TAB2: variants seen among roughly 807,000 people sequenced by gnomAD.
The protein encoded by TAB2 is TGF-beta-activated kinase 1 and MAP3K7-binding protein 2.
A neutral mutation model predicts 65.0 loss-of-function variants in TAB2; 3 were observed. That is an observed-to-expected ratio of 0.05 (90% CI 0.02 to 0.12). TAB2 has a LOEUF of 0.12. Among genes scored for constraint, TAB2 ranks in the 10% least tolerant of loss-of-function variants. The probability of loss-of-function intolerance (pLI) is 1.00; values close to 1 mark genes in which losing one functional copy is unlikely to be tolerated. For missense variants in TAB2, 623 were observed against 840.3 expected, an observed-to-expected ratio of 0.74 and a Z score of 3.20; for synonymous variants, 298 against 285.1, an observed-to-expected ratio of 1.05 and a Z score of -0.46.
Position 149,369,862 on chromosome 6 carries a change from C to T in TAB2, c.-89-47C>T, listed in dbSNP as rs145669610. ...GAAATTTTAAATCCACAACAATATTCCTTCTATAATCAGTTCTCATTAAAA... is the reference window on the plus strand; with the variant it reads ...GAAATTTTAAATCCACAACAATATTTCTTCTATAATCAGTTCTCATTAAAA... On this transcript the variant is annotated intron_variant, in intron 1 of 6. Transcript: ENST00000637181. 1.1e-3 allele frequency: 738 copies of T among 700,892 alleles called. 10 individuals are homozygous for T. The Admixed American group carries it at 0.015, about 15-fold the overall frequency. The allele number at this position is 700,892 out of a possible 1,614,324, so 43.4% of individuals were successfully genotyped here.
chr6:149,409,751 C>T lies in TAB2; in HGVS notation c.*32C>T. 1 of 1,613,542 alleles carries T rather than the reference C, an allele frequency of 6.2e-7. No homozygotes were observed. The highest frequency in any genetic ancestry group is 2.2e-5 in the East Asian group (1 of 44,880). ...TGGCCCTGTATCTTCTCTAAAACCA[C>T]ATCTAAAGTTCAAGAAACTAGTCTG... On this transcript the variant is annotated 3_prime_UTR_variant, in exon 7 of 7. Transcript: ENST00000637181.
chr6:149,365,802 G>A (rs991697397), intron 1 of TAB2, among the ~76,000 whole-genome samples: 6 of 150,852 alleles, frequency 4.0e-5, no homozygotes, highest in South Asian at 2.1e-4. Flanking sequence ...CCTCCCCCTC[G>A]CCCACAGTCA....
chr6:149,332,272 A>C (rs1275286355), intron 1 of TAB2, among the ~76,000 whole-genome samples: 3 of 152,166 alleles, frequency 2.0e-5, no homozygotes, highest in Admixed American at 6.6e-5. Flanking sequence ...TTCAGACTAG[A>C]AATATGAATT....
chr6:149,237,587 A>G (rs1777518186), intron 1 of TAB2, among the ~76,000 whole-genome samples: 1 of 152,138 alleles, frequency 6.6e-6, no homozygotes, highest in Admixed American at 6.5e-5. Flanking sequence ...AAAACCTTCA[A>G]TGGCTTCCTA....
At chr6:149,369,888 T>A (rs1023230062) in intron 1 of TAB2, 21 bp from the exon 2 acceptor site, 3 of 901,648 alleles carry the variant, frequency 3.3e-6, no homozygotes, top group Non-Finnish European at 5.4e-6. Flanking sequence ...CTCATTAAAA[T>A]TTTTTTTCTT....
chr6:149,250,187 G>A (rs1204465412), intron 1 of TAB2, among the ~76,000 whole-genome samples: 1 of 152,038 alleles, frequency 6.6e-6, no homozygotes, highest in Non-Finnish European at 1.5e-5. Context: ...CACAGAATAG[G>A]CCCTCAGCAA....
chr6:149,405,164 TACTC>T (rs1428822996), intron 6 of TAB2, among the ~76,000 whole-genome samples: 2 of 152,176 alleles, frequency 1.3e-5, no homozygotes, highest in African/African-American at 4.8e-5. Context: ...TATTGAAAGG[TACTC>T]ACCCTCACTA....
chr6:149,302,186 T>A (rs1039728468), intron 1 of TAB2, among the ~76,000 whole-genome samples: 20 of 152,208 alleles, frequency 1.3e-4, no homozygotes, highest in Admixed American at 1.3e-3. Context: ...TGAACATATA[T>A]ATGTATTTAT....
chr6:149,228,990 G>C (rs538796925), intron 1 of TAB2, among the ~76,000 whole-genome samples: 67 of 152,328 alleles, frequency 4.4e-4, no homozygotes, highest in African/African-American at 1.4e-3. Flanking sequence ...AACTCTTCTT[G>C]TTTGAGAAAT....
chr6:149,358,595 A>G (rs1417781266), intron 1 of TAB2, among the ~76,000 whole-genome samples: 1 of 121,214 alleles, frequency 8.2e-6, no homozygotes, highest in African/African-American at 2.8e-5. Flanking sequence ...GTTTCACTAC[A>G]ATACATCTAG....
At chr6:149,390,449 G>A (rs959435428) in intron 3 of TAB2, among the ~76,000 whole-genome samples, 5 of 151,940 alleles carry the variant, frequency 3.3e-5, no homozygotes, top group South Asian at 2.1e-4. Context: ...GCAAATTCTC[G>A]TGTTTTTGTT....
chr6:149,403,641 T>TA (rs1782562257), intron 6 of TAB2, among the ~76,000 whole-genome samples: 1 of 151,968 alleles, frequency 6.6e-6, no homozygotes, highest in African/African-American at 2.4e-5. Flanking sequence ...ATGTCACCGA[T>TA]ACCCACATGC....
Position 149,317,928 on chromosome 6 carries a change from G to A in TAB2, c.-177G>A. 1 of 175,558 alleles carries A rather than the reference G, an allele frequency of 5.7e-6. No individual in the cohort carries two copies. 10.9% of individuals were successfully genotyped at this position (175,558 alleles called of 1,614,324 possible). A position where few individuals can be genotyped will look rare whatever the true frequency, so the allele number is the denominator to read the frequency against. On this transcript the variant is annotated 5_prime_UTR_variant, in exon 1 of 7. Coordinates refer to ENST00000637181, the MANE Select transcript of TAB2 (RefSeq NM_001292034.3). This position sits in a 1 kb window ranked among gnomAD's most constrained non-coding sequence, Gnocchi z 4.7. ...GGCGCTGGCGGCGGCCGTGGTGGCG[G>A]AGGCGACGGTGGAGACGGCTGCCCT...
chr6:149,281,448 G>A (rs2114685704), intron 1 of TAB2, among the ~76,000 whole-genome samples: 1 of 150,652 alleles, frequency 6.6e-6, no homozygotes, highest in African/African-American at 2.4e-5. Flanking sequence ...TCCATTGCTG[G>A]GTGCAGTTGT....
chr6:149,296,408 G>A (rs902165157), intron 1 of TAB2, among the ~76,000 whole-genome samples: 5 of 152,084 alleles, frequency 3.3e-5, no homozygotes, highest in South Asian at 2.1e-4. Flanking sequence ...ATAAAATGAC[G>A]TCAATGCAAA....
At chr6:149,387,474 C>T (rs1781842338) in intron 3 of TAB2, among the ~76,000 whole-genome samples, 1 of 152,074 alleles carries the variant, frequency 6.6e-6, no homozygotes. Context: ...TCTATATGTT[C>T]TTTATGCCAA....
At chr6:149,406,600 T>G (rs1782672562) in intron 6 of TAB2, among the ~76,000 whole-genome samples, 1 of 152,124 alleles carries the variant, frequency 6.6e-6, no homozygotes, top group African/African-American at 2.4e-5. Context: ...GAAAAAGAAA[T>G]GGGAACAAGG....
intron 3 of TAB2, among the ~76,000 whole-genome samples, chr6:149,393,091 T>G (rs1782047588): frequency 6.6e-6 from 1 of 152,158 alleles, no homozygotes; most frequent in Non-Finnish European, 1.5e-5. Flanking sequence ...ACTAAACACA[T>G]AAAAATTCAG....
At chr6:149,282,017 G>A (rs1247204797) in intron 1 of TAB2, among the ~76,000 whole-genome samples, 1 of 152,016 alleles carries the variant, frequency 6.6e-6, no homozygotes, top group Non-Finnish European at 1.5e-5. Context: ...AAACCAGCTG[G>A]ATCGCAGGCA....
Sources: gnomAD v4.1 joint callset for allele counts (sites outside exome capture counted in the v4.1 genomes callset) on GRCh38, gnomAD v4.1.1 for gene constraint, Gnocchi (gnomAD v3.1) non-coding constraint, MANE v1.5 for transcripts, NCBI Gene and HGNC (gene_info 2026-07-23, HGNC 2026-07-21) for gene names.